HS6ST1: variants seen among roughly 807,000 people sequenced by gnomAD.
The protein encoded by HS6ST1 is heparan sulfate 6-O-sulfotransferase 1.
Under a neutral mutation model 25.2 loss-of-function variants are expected in HS6ST1, and 3 were observed. That is an observed-to-expected ratio of 0.12 (90% CI 0.05 to 0.31). The LOEUF is 0.31. Ranked by LOEUF, HS6ST1 falls within the 10% of genes least tolerant of loss-of-function variation. The pLI, the probability that HS6ST1 is intolerant of heterozygous loss-of-function variation, is 1.00. For synonymous variants in HS6ST1, 204 were observed against 275.1 expected, an observed-to-expected ratio of 0.74 and a Z score of 2.56; for missense variants, 310 against 609.6, an observed-to-expected ratio of 0.51 and a Z score of 5.18.
At chr2:128,270,484 G>A (rs1422559380) in intron 1 of HS6ST1, among the ~76,000 whole-genome samples, 18 of 152,218 alleles carry the variant, frequency 1.2e-4, no homozygotes, top group Admixed American at 1.2e-3. Context: ...TGGGCACTCG[G>A]GGCCTCAAGG....
At chr2:128,308,260 A>C (rs1346824526) in intron 1 of HS6ST1, among the ~76,000 whole-genome samples, 1 of 152,208 alleles carries the variant, frequency 6.6e-6, no homozygotes, top group Non-Finnish European at 1.5e-5. Context: ...CACCCAGCTA[A>C]GCCTGCAGTG....
rs1319567902 is a variant in HS6ST1 at position 128,266,816 on chromosome 2, G to C, written c.*1346C>G. 1 of 152,276 alleles carries C rather than the reference G, an allele frequency of 6.6e-6. No individual in the cohort carries two copies. Among genetic ancestry groups the C allele is most frequent in the Non-Finnish European group, 1.5e-5 (1 of 68,080 alleles). The allele number at this position is 152,276 out of a possible 1,614,324, so 9.4% of individuals were successfully genotyped here. A position where few individuals can be genotyped will look rare whatever the true frequency, so the allele number is the denominator to read the frequency against. On this transcript the variant is annotated 3_prime_UTR_variant, in exon 2 of 2. Transcript: ENST00000259241. ...TGGCCTCCTAGGGCATAAGGAATGG[G>C]GACAGGGCACAGGGCACGTGCTTAC...
In HS6ST1 at chr2:128,317,979, C is replaced by A. The variant is rs1694399445; in HGVS notation, c.527+58G>T. ...GGCCGACCCAGTACAGCACGGCGGG[C>A]ATACGGCCCGGCCTCGGGGGCGCAG... On this transcript the variant is annotated intron_variant, in intron 1 of 1. Transcript: ENST00000259241. The A allele has an allele frequency of 2.9e-6, 4 of 1,392,292 alleles. No individual in the cohort carries two copies. In the East Asian group the frequency reaches 8.6e-5, roughly 30 times the overall value. The allele number at this position is 1,392,292 out of a possible 1,614,324, so 86.2% of individuals were successfully genotyped here.
chr2:128,304,568 C>T (rs1694179737), intron 1 of HS6ST1, among the ~76,000 whole-genome samples: 1 of 36,692 alleles, frequency 2.7e-5, no homozygotes, highest in African/African-American at 1.7e-4. Context: ...CCAGAAAGGT[C>T]CCTGGGTTGG....
In HS6ST1 at chr2:128,268,144, C is replaced by T; in HGVS notation, c.*18G>A. On this transcript the variant is annotated 3_prime_UTR_variant, in exon 2 of 2. Coordinates refer to ENST00000259241, the MANE Select transcript of HS6ST1 (RefSeq NM_004807.3). ...CCCCCACACCCCCCAAGAGGCCTCCCCGTGGCCACCACCGCCACTACCACT... is the reference window on the plus strand; with the variant it reads ...CCCCCACACCCCCCAAGAGGCCTCCTCGTGGCCACCACCGCCACTACCACT... 6.4e-7 allele frequency: 1 copy of T among 1,567,196 alleles called. No homozygotes were observed. Among genetic ancestry groups the T allele is most frequent in the Admixed American group, 1.8e-5 (1 of 56,798 alleles).
chr2:128,294,329 G>T lies in HS6ST1; in HGVS notation c.527+23708C>A, dbSNP rs184734741. 8.5e-3 allele frequency among the ~76,000 whole-genome samples: 1,291 copies of T among 152,294 alleles called. 3 individuals are homozygous for T. Among genetic ancestry groups the T allele is most frequent in the Non-Finnish European group, 0.014 (966 of 68,014 alleles). The stretch of plus-strand genomic sequence containing the variant: ...GGGGTGGGCTGTGATGGAGGGCCCC[G>T]GGCCCTGCCCATGAAGTGCCGCAGT... On this transcript the variant is annotated intron_variant, in intron 1 of 1. Coordinates refer to ENST00000259241, the MANE Select transcript of HS6ST1 (RefSeq NM_004807.3).
intron 1 of HS6ST1, among the ~76,000 whole-genome samples, chr2:128,316,966 C>T (rs547462513): frequency 1.3e-5 from 2 of 152,284 alleles, no homozygotes; most frequent in South Asian, 4.1e-4. Context: ...CAGCCTCCTA[C>T]CACCAGCCTG....
intron 1 of HS6ST1, among the ~76,000 whole-genome samples, chr2:128,317,067 G>A (rs1247546442): frequency 6.6e-6 from 1 of 152,236 alleles, no homozygotes; most frequent in Non-Finnish European, 1.5e-5. Flanking sequence ...CAGACTTTGG[G>A]GAGAAAGGCC....
intron 1 of HS6ST1, among the ~76,000 whole-genome samples, chr2:128,308,332 G>C (rs989474188): frequency 6.6e-6 from 1 of 152,224 alleles, no homozygotes; most frequent in Non-Finnish European, 1.5e-5. Context: ...CATGTAGGGG[G>C]TGATAGCAGC....
intron 1 of HS6ST1, among the ~76,000 whole-genome samples, chr2:128,277,718 G>A (rs972133232): frequency 2.6e-5 from 4 of 152,232 alleles, no homozygotes; most frequent in Non-Finnish European, 4.4e-5. Context: ...ATAGGAAAAC[G>A]AGGTTGAACG....
chr2:128,268,291 C>G lies in HS6ST1; in HGVS notation c.1107G>C (p.Glu369Asp). Residue 369 changes from glutamate (E) to aspartate (D), a missense_variant, in exon 2 of 2, where the codon GAG becomes GAC. By Grantham distance (45) the Glu-to-Asp change is conservative (BLOSUM62 2). Coordinates refer to ENST00000259241, the MANE Select transcript of HS6ST1 (RefSeq NM_004807.3). ...GCTCCTCGCGGCTCCTCAGGCGCTG[C>G]TCCCTGCGCTCCAGCTGCCGCTTGT... ...YQYKRQLERR[E>D]QRLRSREERL... The G allele has an allele frequency of 2.5e-6, 4 of 1,612,880 alleles. No individual in the cohort carries two copies.
intron 1 of HS6ST1, among the ~76,000 whole-genome samples, chr2:128,296,359 T>C (rs2104927785): frequency 6.6e-6 from 1 of 152,322 alleles, no homozygotes; most frequent in East Asian, 1.9e-4. Context: ...AGTTCTAGCC[T>C]GAGCAATCAG....
chr2:128,283,841 C>T (rs1467823303), intron 1 of HS6ST1, among the ~76,000 whole-genome samples: 1 of 152,190 alleles, frequency 6.6e-6, no homozygotes, highest in Non-Finnish European at 1.5e-5. Flanking sequence ...ATCGCCACTC[C>T]TGCCGAAACA....
chr2:128,277,351 G>A (rs187778889), intron 1 of HS6ST1, among the ~76,000 whole-genome samples: 34 of 152,344 alleles, frequency 2.2e-4, no homozygotes, highest in African/African-American at 6.7e-4. Flanking sequence ...ACACCTATAC[G>A]TGCCATGTAC....
intron 1 of HS6ST1, among the ~76,000 whole-genome samples, chr2:128,278,849 T>C (rs1693736498): frequency 6.6e-6 from 1 of 152,212 alleles, no homozygotes; most frequent in African/African-American, 2.4e-5. Flanking sequence ...CATTTTACTA[T>C]AAAAATGTTT....
rs556135103 is a variant in HS6ST1, at chr2:128,283,978, T to C, written c.528-15108A>G. On this transcript the variant is annotated intron_variant, in intron 1 of 1. Transcript: ENST00000259241. Reference sequence around the variant, plus strand: ...ACATTCCAGGTCAAGAAATGGAGGCTGGGTGGCCCTTTCACCTGCCGAGGG... The same window carrying C: ...ACATTCCAGGTCAAGAAATGGAGGCCGGGTGGCCCTTTCACCTGCCGAGGG... Among the ~76,000 whole-genome samples, 391 of 152,296 alleles carry C rather than the reference T, an allele frequency of 2.6e-3. 1 individual carries two copies. The highest frequency in any genetic ancestry group is 8.8e-3 in the African/African-American group (366 of 41,566).
At position 128,272,263 on chromosome 2, in the gene HS6ST1, A is replaced by G. The variant is rs185539170; in HGVS notation, c.528-3393T>C. On this transcript the variant is annotated intron_variant, in intron 1 of 1. Coordinates refer to ENST00000259241, the MANE Select transcript of HS6ST1 (RefSeq NM_004807.3). ...GGTCTGCAGGTAGGAGGACACGGGT[A>G]TATCACCCCTGGTCTCTGCATGGGC... Among the ~76,000 whole-genome samples the G allele has an allele frequency of 2.0e-3, 304 of 152,310 alleles. 1 individual carries two copies. The highest frequency in any genetic ancestry group is 7.0e-3 in the African/African-American group (290 of 41,570).
chr2:128,287,990 C>T (rs563008397), intron 1 of HS6ST1, among the ~76,000 whole-genome samples: 130 of 151,696 alleles, frequency 8.6e-4, no homozygotes, highest in African/African-American at 3.0e-3. Flanking sequence ...TGCCTGAACG[C>T]ACACACTCAT....
intron 1 of HS6ST1, among the ~76,000 whole-genome samples, chr2:128,294,117 A>G (rs1694000529): frequency 1.3e-5 from 2 of 152,104 alleles, no homozygotes; most frequent in African/African-American, 2.4e-5. Flanking sequence ...AACCTGCCCC[A>G]AACTCCATGA....
Sources: gnomAD v4.1 joint callset for allele counts (sites outside exome capture counted in the v4.1 genomes callset) on GRCh38, gnomAD v4.1.1 for gene constraint, MANE v1.5 for transcripts, NCBI Gene and HGNC (gene_info 2026-07-23, HGNC 2026-07-21) for gene names.